The following TRIM36 variants were observed in gnomAD, a reference collection of about 807,000 sequenced individuals.
The protein encoded by TRIM36 is tripartite motif containing 36, also known as E3 ubiquitin-protein ligase TRIM36.
TRIM36 carries 42 observed loss-of-function variants against 72.4 expected under a neutral mutation model. The ratio of observed to expected loss-of-function variants is 0.58; its 90% confidence interval spans 0.45 to 0.75. The LOEUF is 0.75. Ranked by LOEUF, TRIM36 falls within the 30% of genes least tolerant of loss-of-function variation. The pLI, the probability that TRIM36 is intolerant of heterozygous loss-of-function variation, is 0.00. For synonymous variants in TRIM36, 315 were observed against 282.8 expected (o/e 1.11, Z -1.14); for missense variants, 913 against 857.1 (o/e 1.07, Z -0.81).
intron 1 of TRIM36, among the ~76,000 whole-genome samples, chr5:115,166,965 C>T (rs866038467): frequency 2.6e-5 from 4 of 152,214 alleles, no homozygotes; most frequent in African/African-American, 7.2e-5. Context: ...ACCCCGCGCT[C>T]GCTCACTCAT....
intron 8 of TRIM36, among the ~76,000 whole-genome samples, chr5:115,132,801 T>C (rs917374834): frequency 4.6e-5 from 7 of 152,138 alleles, no homozygotes; most frequent in African/African-American, 1.2e-4. Context: ...AAAACAGCAG[T>C]TATGTCCAGG....
chr5:115,165,318 C>A (rs1023186026), intron 1 of TRIM36, among the ~76,000 whole-genome samples: 3 of 152,214 alleles, frequency 2.0e-5, no homozygotes, highest in Admixed American at 1.3e-4. Context: ...CTTTGCACTG[C>A]CCTAGCAGAG....
chr5:115,158,062 G>C (rs1754277834), intron 2 of TRIM36, among the ~76,000 whole-genome samples: 1 of 151,914 alleles, frequency 6.6e-6, no homozygotes, highest in Non-Finnish European at 1.5e-5. Context: ...AATCACCACT[G>C]AAGAACTTAC....
Position 115,126,619 on chromosome 5 carries a change from G to C in TRIM36, c.2035C>G (p.Arg679Gly). Reference sequence around the variant, plus strand: ...AGTGTATGTGAACAGTCCACTTGGCGTTCATAAAGGCATTTCATCTGATCC... The same window carrying C: ...AGTGTATGTGAACAGTCCACTTGGCCTTCATAAAGGCATTTCATCTGATCC... Reference protein sequence around the residue: ...DMDQMKCLYERQVDCSHTLYP... With the variant: ...DMDQMKCLYEGQVDCSHTLYP... Residue 679 changes from arginine (R) to glycine (G), a missense_variant, in exon 10 of 10, where the codon CGC (arginine) becomes GGC (glycine). Physicochemically the swap from Arg to Gly is moderately radical, Grantham distance 125 (BLOSUM62 -2). Transcript: ENST00000513154. The C allele has an allele frequency of 6.2e-7, 1 of 1,614,092 alleles. No individual in the cohort carries two copies. The highest frequency in any genetic ancestry group is 8.5e-7 in the Non-Finnish European group (1 of 1,180,018).
intron 7 of TRIM36, among the ~76,000 whole-genome samples, chr5:115,136,795 AACAC>A (rs1470794033): frequency 2.0e-5 from 3 of 152,228 alleles, no homozygotes; most frequent in African/African-American, 7.2e-5. Flanking sequence ...AATGTTTAAA[AACAC>A]ACAAACTAAT....
chr5:115,126,908 T>C, intron 9 of TRIM36, 51 bp from the exon 10 acceptor site: 1 of 1,505,404 alleles, frequency 6.6e-7, no homozygotes, highest in Non-Finnish European at 9.0e-7. Context: ...TCTAAGTATC[T>C]TCAAAACATT....
At chr5:115,169,431 C>T (rs1443383990) in intron 1 of TRIM36, among the ~76,000 whole-genome samples, 177 bp downstream of exon 1, 1 of 152,262 alleles carries the variant, frequency 6.6e-6, no homozygotes, top group Non-Finnish European at 1.5e-5. Context: ...AGGGGACGCC[C>T]CGGATTGCGG....
At chr5:115,151,930 G>C (rs1424042680) in intron 2 of TRIM36, among the ~76,000 whole-genome samples, 1 of 152,114 alleles carries the variant, frequency 6.6e-6, no homozygotes, top group Non-Finnish European at 1.5e-5. Flanking sequence ...AAATGGGAAG[G>C]AACTAGGAAA....
upstream of TRIM36, chr5:115,170,059 G>A (rs1235769778): frequency 6.6e-5 from 55 of 839,056 alleles, no homozygotes; most frequent in Non-Finnish European, 7.8e-5. Flanking sequence ...GTGGTAGGCT[G>A]AGCGGGACTC....
chr5:115,179,960 C>T (rs11955164), intron 1 of TRIM36: 45,184 of 1,613,440 alleles, frequency 0.028, 2,103 homozygotes, highest in African/African-American at 0.21. Flanking sequence ...CGGCGCCCCG[C>T]GCCTCATCAC....
At chr5:115,163,865 G>C in intron 1 of TRIM36, 113 bp from the exon 2 acceptor site, 1 of 926,274 alleles carries the variant, frequency 1.1e-6, no homozygotes, top group Non-Finnish European at 1.6e-6. Flanking sequence ...TTAAGAAAAT[G>C]ATTTTCTAAA....
intron 8 of TRIM36, 104 bp from the exon 9 acceptor site, chr5:115,130,993 C>A: frequency 5.3e-6 from 7 of 1,327,904 alleles, no homozygotes; most frequent in Non-Finnish European, 7.1e-6. Flanking sequence ...AGACAGGAAG[C>A]GGGAAGGAGG....
chr5:115,143,220 GAC>G (rs1561428805), intron 4 of TRIM36, among the ~76,000 whole-genome samples: 1 of 11,574 alleles, frequency 8.6e-5, no homozygotes, highest in Non-Finnish European at 1.5e-4. Context: ...CCACCAGCCA[GAC>G]AAAAAAAAAA....
intron 1 of TRIM36, among the ~76,000 whole-genome samples, chr5:115,165,084 A>T (rs1309091228): frequency 6.6e-6 from 1 of 152,236 alleles, no homozygotes; most frequent in Non-Finnish European, 1.5e-5. Flanking sequence ...GTGGACTGCC[A>T]TGGCCTTGGG....
At chr5:115,157,496 G>A (rs543655161) in intron 2 of TRIM36, among the ~76,000 whole-genome samples, 12 of 152,016 alleles carry the variant, frequency 7.9e-5, no homozygotes, top group South Asian at 2.1e-4. Flanking sequence ...CCTGGTGGGC[G>A]GAGGTTCCAG....
chr5:115,162,510 A>T (rs1311384269), intron 2 of TRIM36, among the ~76,000 whole-genome samples: 1 of 152,348 alleles, frequency 6.6e-6, no homozygotes, highest in East Asian at 1.9e-4. Context: ...TGAATCACAT[A>T]AAAAACTAGC....
intron 5 of TRIM36, 64 bp downstream of exon 5, chr5:115,141,215 A>T: frequency 1.7e-6 from 2 of 1,209,006 alleles, no homozygotes; most frequent in Non-Finnish European, 2.4e-6. Flanking sequence ...TTTTATGAAC[A>T]AATGAATGAA....
chr5:115,154,977 G>A (rs1754095117), intron 2 of TRIM36, among the ~76,000 whole-genome samples: 1 of 151,802 alleles, frequency 6.6e-6, no homozygotes, highest in Non-Finnish European at 1.5e-5. Context: ...GTCAGGAGTT[G>A]GACACCAGCC....
chr5:115,143,846 C>T (rs1317566519), intron 4 of TRIM36, among the ~76,000 whole-genome samples: 1 of 152,124 alleles, frequency 6.6e-6, no homozygotes, highest in Non-Finnish European at 1.5e-5. Context: ...ATCAATAAAA[C>T]TAACACAAAG....
Sources: allele counts gnomAD v4.1 joint callset (sites outside exome capture counted in the v4.1 genomes callset), GRCh38; gene constraint gnomAD v4.1.1; transcripts MANE v1.5; gene names NCBI Gene and HGNC (gene_info 2026-07-23, HGNC 2026-07-21).